The following RFX1 variants were observed in gnomAD, a reference collection of about 807,000 sequenced individuals.
RFX1 encodes the protein MHC class II regulatory factor RFX1.
RFX1 carries 42 observed loss-of-function variants against 119.6 expected under a neutral mutation model. The ratio of observed to expected loss-of-function variants is 0.35; its 90% CI spans 0.27 to 0.45. The LOEUF (loss-of-function observed/expected upper bound fraction) is 0.45, where lower values mean the gene tolerates loss of function less well. Among genes scored for constraint, RFX1 ranks in the 20% least tolerant of loss-of-function variants. RFX1 has a pLI of 1.00. For missense variants in RFX1, 1,118 were observed against 1,368.1 expected (o/e 0.82, Z 2.88); for synonymous variants, 628 against 618.5 (o/e 1.02, Z -0.23).
Position 13,990,513 on chromosome 19 carries a change from T to G in RFX1, c.319+3012A>C, listed in dbSNP as rs1190187726. On this transcript the variant is annotated intron_variant, in intron 2 of 20. Coordinates refer to ENST00000254325, the MANE Select transcript of RFX1 (RefSeq NM_002918.5). The surrounding 1 kb of genome is among the most constrained non-coding windows in gnomAD (Gnocchi z 4.1). ...CTGGGCAACATAGTGAGACTCTGTC[T>G]CTACAAAAAAATTAAAAGATTAGGC... 1.3e-5 allele frequency among the ~76,000 whole-genome samples: 2 copies of G among 151,530 alleles called. No individual in the cohort carries two copies. The highest frequency in any genetic ancestry group is 2.9e-5 in the Non-Finnish European group (2 of 67,886).
rs114223234 is a variant in RFX1, at chr19:13,987,669, G to A, written c.320-4074C>T. On this transcript the variant is annotated intron_variant, in intron 2 of 20. Coordinates refer to ENST00000254325, the MANE Select transcript of RFX1 (RefSeq NM_002918.5). ...GGGTGGGGGAGGGGACAGCTGGCAG[G>A]GCACAAGCCAACCTCCTCTTCCTCA... 4.9e-3 allele frequency among the ~76,000 whole-genome samples: 743 copies of A among 152,292 alleles called. 1 individual carries two copies. The highest frequency in any genetic ancestry group is 0.017 in the African/African-American group (715 of 41,568).
In RFX1 at chr19:13,999,343, A is replaced by AT. The variant is rs535206472; in HGVS notation, c.-52-5449dup. Among the ~76,000 whole-genome samples, 11 of 152,288 alleles carry AT rather than the reference A, an allele frequency of 7.2e-5. No individual in the cohort carries two copies. The South Asian group carries it at 2.3e-3, about 32-fold the overall frequency. ...GCAGCTGCTTATGGAGACTGTTTAAATCTATTACTTTAAATGAGGGCTCGG... is the reference window on the plus strand; with the variant it reads ...GCAGCTGCTTATGGAGACTGTTTAAATTCTATTACTTTAAATGAGGGCTCGG... On this transcript the variant is annotated intron_variant, in intron 1 of 20. Coordinates refer to ENST00000254325, the MANE Select transcript of RFX1 (RefSeq NM_002918.5).
Position 13,980,011 on chromosome 19 carries a change from G to A in RFX1, c.739-469C>T, listed in dbSNP as rs1974378312. Among the ~76,000 whole-genome samples the A allele has an allele frequency of 6.6e-6, 1 of 152,098 alleles. No homozygotes were observed. ...AGGTTCGGGGGGGCTCTAGTGCCAG[G>A]CGGGGGAGTATCTGTGAAACCTCTG... On this transcript the variant is annotated intron_variant, in intron 6 of 20. Coordinates refer to ENST00000254325, the MANE Select transcript of RFX1 (RefSeq NM_002918.5). This position sits in a 1 kb window ranked among gnomAD's most constrained non-coding sequence, Gnocchi z 5.1.
Position 13,970,178 on chromosome 19 carries a change from G to A in RFX1, c.1315-3C>T. Reference sequence around the variant, plus strand: ...TAGTTGTCCAGGAGCCACTGGACCTGGGGTGGGAGGGAGATGGGAGAGCAC... The same window carrying A: ...TAGTTGTCCAGGAGCCACTGGACCTAGGGTGGGAGGGAGATGGGAGAGCAC... On this transcript the variant is annotated splice_polypyrimidine_tract_variant and splice_region_variant and intron_variant, in intron 9 of 20. Coordinates refer to ENST00000254325, the MANE Select transcript of RFX1 (RefSeq NM_002918.5). 6.3e-7 allele frequency: 1 copy of A among 1,595,868 alleles called. No homozygotes were observed. Among genetic ancestry groups the A allele is most frequent in the Non-Finnish European group, 8.6e-7 (1 of 1,168,202 alleles).
chr19:13,980,584 C>A lies in RFX1; in HGVS notation c.727G>T (p.Val243Phe). Reference sequence around the variant, plus strand: ...CCTTGGCCTGGCACCTCTTGGGTGACGGGGACACTCTGCTGGACGCCGTGG... The same window carrying A: ...CCTTGGCCTGGCACCTCTTGGGTGAAGGGGACACTCTGCTGGACGCCGTGG... ...QVHGVQQSVP[V>F]TQERSVVQAT... is the part of the protein sequence containing the mutation. The change falls in exon 6 of 21, where the codon GTC becomes TTC. Residue 243 changes from valine to phenylalanine, a missense_variant. Val to Phe is a conservative substitution (Grantham distance 50). Transcript: ENST00000254325. This position sits in a 1 kb window ranked among gnomAD's most constrained non-coding sequence, Gnocchi z 5.1. 1 of 1,570,668 alleles carries A rather than the reference C, an allele frequency of 6.4e-7. No individual in the cohort carries two copies. The highest frequency in any genetic ancestry group is 1.3e-5 in the African/African-American group (1 of 74,316).
At chr19:13,973,242 C>T (rs544279726) in intron 8 of RFX1, 115 bp from the exon 9 acceptor site, 48 of 767,014 alleles carry the variant, frequency 6.3e-5, no homozygotes, top group African/African-American at 8.6e-5. Flanking sequence ...AGCAGCTCCC[C>T]TGCAGCAAGG....
At chr19:13,989,452 C>A (rs1196324518) in intron 2 of RFX1, among the ~76,000 whole-genome samples, 1 of 151,974 alleles carries the variant, frequency 6.6e-6, no homozygotes, top group African/African-American at 2.4e-5. Context: ...CTCACTGCAA[C>A]CTCCACCTCC....
intron 1 of RFX1, among the ~76,000 whole-genome samples, chr19:14,005,896 C>G (rs971643223): frequency 6.6e-6 from 1 of 151,680 alleles, no homozygotes; most frequent in East Asian, 1.9e-4. Flanking sequence ...CGAGCGCCCG[C>G]CCCTCGCGGG....
chr19:13,993,388 A>G, intron 2 of RFX1, 137 bp downstream of exon 2: 1 of 744,726 alleles, frequency 1.3e-6, no homozygotes, highest in Non-Finnish European at 2.1e-6. Flanking sequence ...TGGCTTAAGC[A>G]CCCCTGCCCT....
chr19:13,962,441 T>C lies in RFX1; in HGVS notation c.*254A>G, dbSNP rs1303196974. 4.0e-6 allele frequency: 2 copies of C among 494,220 alleles called. No individual in the cohort carries two copies. Among genetic ancestry groups the C allele is most frequent in the African/African-American group, 2.1e-5 (1 of 48,016 alleles). 30.6% of individuals were successfully genotyped at this position (494,220 alleles called of 1,614,324 possible). On this transcript the variant is annotated 3_prime_UTR_variant, in exon 21 of 21. Coordinates refer to ENST00000254325, the MANE Select transcript of RFX1 (RefSeq NM_002918.5). ...GGGGCGGCCAAGGGGCCGAGCTGGA[T>C]GCCCCGCGGGGCACCTGGGCACGCG...
chr19:13,966,720 C>T lies in RFX1; in HGVS notation c.1764G>A (p.Glu588=). 2 of 1,610,940 alleles carry T rather than the reference C, an allele frequency of 1.2e-6. No individual in the cohort carries two copies. The highest frequency in any genetic ancestry group is 1.7e-6 in the Non-Finnish European group (2 of 1,178,920). The change falls in exon 13 of 21, where the codon GAG becomes GAA. Residue 588 remains glutamate (E), a synonymous_variant. Coordinates refer to ENST00000254325, the MANE Select transcript of RFX1 (RefSeq NM_002918.5). The surrounding 1 kb of genome is among the most constrained non-coding windows in gnomAD (Gnocchi z 6.3). The part of the protein sequence containing the change: ...DASRSLPDFT[E]LDLQGKVLPE... The stretch of plus-strand genomic sequence containing the variant: ...GCAGCACCTTGCCCTGGAGGTCGAG[C>T]TCTGTGAAGTCAGGGAGGCTCCGAG...
chr19:13,963,139 T>C lies in RFX1; in HGVS notation c.2707A>G (p.Ile903Val). 5 of 1,611,436 alleles carry C rather than the reference T, an allele frequency of 3.1e-6. No homozygotes were observed. Among genetic ancestry groups the C allele is most frequent in the Non-Finnish European group, 4.2e-6 (5 of 1,178,708 alleles). ...RVAQAKGETP[I>V]AVMGEFANLA... Reference sequence around the variant, plus strand: ...TCGCGCACCTCGCCCATGACGGCGATGGGGGTCTCGCCCTTGGCCTGGGCT... The same window carrying C: ...TCGCGCACCTCGCCCATGACGGCGACGGGGGTCTCGCCCTTGGCCTGGGCT... Residue 903 changes from isoleucine (I) to valine (V), a missense_variant, in exon 19 of 21, where the codon ATC becomes GTC. By Grantham distance (29) the Ile-to-Val change is conservative. Coordinates refer to ENST00000254325, the MANE Select transcript of RFX1 (RefSeq NM_002918.5).
At position 13,965,554 on chromosome 19, in the gene RFX1, C is replaced by T. The variant is rs200909084; in HGVS notation, c.2114-8G>A. On this transcript the variant is annotated splice_region_variant and splice_polypyrimidine_tract_variant and intron_variant, in intron 15 of 20. Transcript: ENST00000254325. This position sits in a 1 kb window ranked among gnomAD's most constrained non-coding sequence, Gnocchi z 4.7. ...TCGCTTGGGTCAAGGCACCTGTGGG[C>T]GGTGGCGGGGGTCGGTCAGGGCAGG... 4.6e-5 allele frequency: 72 copies of T among 1,563,916 alleles called. No homozygotes were observed. The African/African-American group carries it at 4.7e-4, about 10-fold the overall frequency.
In RFX1 at chr19:13,972,892, C is replaced by T. The variant is rs750668921; in HGVS notation, c.1165G>A (p.Gly389Ser). The T allele has an allele frequency of 3.2e-5, 50 of 1,577,274 alleles. No homozygotes were observed. Among genetic ancestry groups the T allele is most frequent in the South Asian group, 5.7e-5 (5 of 88,286 alleles). ...SSGGGGSGGG[G>S]GGGGGGGGGG... ...CCGCCACCGCCTCCCCCGCCGCCGC[C>T]GCCACCACCACTGCCACCACCTCCG... The change falls in exon 9 of 21, where the codon GGC becomes AGC. Residue 389 changes from glycine to serine, a missense_variant. This residue lies in a region of RFX1 where 542 missense variants were observed against 602.7 expected (regional missense o/e 0.90). Transcript: ENST00000254325.
chr19:13,983,608 GC>G lies in RFX1; in HGVS notation c.320-14del. The stretch of plus-strand genomic sequence containing the variant: ...CGCATGGCACCTTCTGTGGGGAGGG[GC>G]CACCAGGTCAGTTCTTCCTGCTTTC... On this transcript the variant is annotated splice_polypyrimidine_tract_variant and intron_variant, in intron 2 of 20. Transcript: ENST00000254325. The G allele has an allele frequency of 6.3e-7, 1 of 1,581,596 alleles. No homozygotes were observed. The highest frequency in any genetic ancestry group is 8.6e-7 in the Non-Finnish European group (1 of 1,165,390).
At chr19:13,971,231 G>A (rs1362291847) in intron 9 of RFX1, among the ~76,000 whole-genome samples, 1 of 151,880 alleles carries the variant, frequency 6.6e-6, no homozygotes, top group Non-Finnish European at 1.5e-5. Flanking sequence ...CTACTCGAGA[G>A]GCTGAGGCAC....
chr19:13,968,969 ACCCGTCTCCT>A lies in RFX1; in HGVS notation c.1497-85_1497-76del. 1 of 1,472,858 alleles carries A rather than the reference ACCCGTCTCCT, an allele frequency of 6.8e-7. No individual in the cohort carries two copies. The allele number at this position is 1,472,858 out of a possible 1,614,324, so 91.2% of individuals were successfully genotyped here. A position where few individuals can be genotyped will look rare whatever the true frequency, so the allele number is the denominator to read the frequency against. On this transcript the variant is annotated intron_variant, in intron 10 of 20. Coordinates refer to ENST00000254325, the MANE Select transcript of RFX1 (RefSeq NM_002918.5). The surrounding 1 kb of genome is among the most constrained non-coding windows in gnomAD (Gnocchi z 5.5). Reference sequence around the variant, plus strand: ...CCGGCCATGGAGCACCTCACAGCACACCCGTCTCCTCTCTGTTAGGAGAATGGATAGAGAG... The same window carrying A: ...CCGGCCATGGAGCACCTCACAGCACACTCTGTTAGGAGAATGGATAGAGAG...
intron 1 of RFX1, among the ~76,000 whole-genome samples, chr19:14,001,411 C>T (rs1007554663): frequency 1.3e-5 from 2 of 152,138 alleles, no homozygotes; most frequent in African/African-American, 4.8e-5. Context: ...AGTGATCCTC[C>T]GGCCTCAGCC....
rs1973729065 is a variant in RFX1 at position 13,962,589 on chromosome 19, C to T, written c.*106G>A. On this transcript the variant is annotated 3_prime_UTR_variant, in exon 21 of 21. Coordinates refer to ENST00000254325, the MANE Select transcript of RFX1 (RefSeq NM_002918.5). ...GTCTTCCCTGTCTCGGAGTCCCCCT[C>T]CCTGCCCTGGCTGAGGCTGGAGCAG... 1.0e-6 allele frequency: 1 copy of T among 975,322 alleles called. No individual in the cohort carries two copies. Among genetic ancestry groups the T allele is most frequent in the Admixed American group, 3.0e-5 (1 of 33,074 alleles). The allele number at this position is 975,322 out of a possible 1,614,324, so 60.4% of individuals were successfully genotyped here.
Sources: allele counts gnomAD v4.1 joint callset (sites outside exome capture counted in the v4.1 genomes callset), GRCh38; gene constraint gnomAD v4.1.1; regional missense constraint gnomAD v4.1.1; non-coding constraint Gnocchi (gnomAD v3.1); transcripts MANE v1.5; gene names NCBI Gene and HGNC (gene_info 2026-07-23, HGNC 2026-07-21).